MATCAP1: variants seen among roughly 807,000 people sequenced by gnomAD.
The protein encoded by MATCAP1 is microtubule associated tyrosine carboxypeptidase 1, also known as microtubule-associated tyrosine carboxypeptidase 1.
At chr16:67,180,602 C>T in the MATCAP1 span, 1 of 1,515,662 alleles carries the variant, frequency 6.6e-7, no homozygotes. Flanking sequence ...CCCCTGAGTC[C>T]AGCACCATTC....
chr16:67,179,473 T>A, the MATCAP1 span: 3 of 1,612,448 alleles, frequency 1.9e-6, no homozygotes, highest in Admixed American at 5.0e-5. This position sits in a 1 kb window ranked among gnomAD's most constrained non-coding sequence, Gnocchi z 5.2. Flanking sequence ...ACTGGCGGGC[T>A]CCGGTCAGGT....
the MATCAP1 span, chr16:67,177,894 C>T: frequency 4.6e-6 from 4 of 861,614 alleles, no homozygotes; most frequent in African/African-American, 5.1e-5. Flanking sequence ...CCACGCTCCC[C>T]CCTACCACCA....
At chr16:67,179,779 G>A in the MATCAP1 span, 1 of 1,611,420 alleles carries the variant, frequency 6.2e-7, no homozygotes, top group South Asian at 1.1e-5. This position sits in a 1 kb window ranked among gnomAD's most constrained non-coding sequence, Gnocchi z 5.2. Flanking sequence ...CCCTGATTTG[G>A]GGCATGTAGA....
the MATCAP1 span, chr16:67,176,729 C>T: frequency 2.8e-5 from 37 of 1,325,872 alleles, no homozygotes; most frequent in Middle Eastern, 2.8e-4. The surrounding 1 kb of genome is among the most constrained non-coding windows in gnomAD (Gnocchi z 4.3). Context: ...AGGCCGTGGA[C>T]GCACAGAGCA....
At chr16:67,182,534 C>T in the MATCAP1 span, among the ~76,000 whole-genome samples, 4 of 152,232 alleles carry the variant, frequency 2.6e-5, no homozygotes, top group Admixed American at 6.5e-5. Context: ...GAGATACTGT[C>T]TATTTGCCCA....
the MATCAP1 span, chr16:67,178,988 G>T: frequency 1.9e-6 from 1 of 525,542 alleles, no homozygotes; most frequent in Non-Finnish European, 2.9e-6. Flanking sequence ...GCACCCCCCT[G>T]CCCAAACTGG....
chr16:67,178,560 C>A, the MATCAP1 span: 3 of 1,424,350 alleles, frequency 2.1e-6, no homozygotes, highest in Non-Finnish European at 2.9e-6. Context: ...GACCCGCCTG[C>A]GAGCCCAGCC....
chr16:67,180,301 G>T, the MATCAP1 span: 2 of 1,612,440 alleles, frequency 1.2e-6, no homozygotes, highest in South Asian at 1.1e-5. Context: ...TTCCGTCCCC[G>T]TCCAGGTGGA....
At chr16:67,180,275 G>A in the MATCAP1 span, 1 of 1,612,632 alleles carries the variant, frequency 6.2e-7, no homozygotes, top group Non-Finnish European at 8.5e-7. Context: ...CAGGCCGCAG[G>A]GTGCCCCCAC....
the MATCAP1 span, chr16:67,179,705 C>T: frequency 2.6e-6 from 4 of 1,531,460 alleles, no homozygotes; most frequent in Non-Finnish European, 3.6e-6. This position sits in a 1 kb window ranked among gnomAD's most constrained non-coding sequence, Gnocchi z 5.2. Flanking sequence ...CAGCTCCCAC[C>T]TCACTGGGGC....
chr16:67,179,005 C>T, the MATCAP1 span: 1 of 743,822 alleles, frequency 1.3e-6, no homozygotes, highest in Non-Finnish European at 1.8e-6. This position sits in a 1 kb window ranked among gnomAD's most constrained non-coding sequence, Gnocchi z 5.2. Flanking sequence ...CTGGCCAGTC[C>T]CCTCCTAAAC....
At chr16:67,179,239 G>A in the MATCAP1 span, 95 of 1,421,148 alleles carry the variant, frequency 6.7e-5, no homozygotes, top group Middle Eastern at 2.6e-4. The surrounding 1 kb of genome is among the most constrained non-coding windows in gnomAD (Gnocchi z 5.2). Flanking sequence ...CCCAGAGCAT[G>A]GGCAGGCATG....
At chr16:67,178,422 C>T in the MATCAP1 span, 1 of 1,540,356 alleles carries the variant, frequency 6.5e-7, no homozygotes, top group African/African-American at 1.4e-5. Flanking sequence ...TGGGGTTCGC[C>T]GGCCGCAGCC....
chr16:67,178,785 G>A, the MATCAP1 span: 142 of 646,948 alleles, frequency 2.2e-4, 1 homozygote, highest in Admixed American at 2.0e-4. Flanking sequence ...ACACGTGCAC[G>A]AACTCTCCCA....
the MATCAP1 span, chr16:67,179,709 C>T: frequency 1.3e-6 from 2 of 1,536,200 alleles, no homozygotes; most frequent in African/African-American, 2.7e-5. The surrounding 1 kb of genome is among the most constrained non-coding windows in gnomAD (Gnocchi z 5.2). Flanking sequence ...TCCCACCTCA[C>T]TGGGGCAGGG....
chr16:67,178,953 A>T, the MATCAP1 span: 1 of 413,182 alleles, frequency 2.4e-6, no homozygotes, highest in South Asian at 2.0e-5. Context: ...AGGGACAGAC[A>T]GATAGGAATA....
the MATCAP1 span, chr16:67,178,420 G>A: frequency 3.2e-6 from 5 of 1,539,838 alleles, no homozygotes; most frequent in South Asian, 1.2e-5. Context: ...CGTGGGGTTC[G>A]CCGGCCGCAG....
the MATCAP1 span, chr16:67,180,248 G>A: frequency 1.2e-6 from 2 of 1,613,572 alleles, no homozygotes; most frequent in Non-Finnish European, 1.7e-6. Context: ...TCTTAGCAAT[G>A]TGAGGCAGGG....
the MATCAP1 span, chr16:67,178,182 C>T: frequency 2.6e-6 from 4 of 1,536,766 alleles, no homozygotes; most frequent in Non-Finnish European, 8.8e-7. Flanking sequence ...AGGCACCTCC[C>T]CCGCGCTGGC....
Sources: gnomAD v4.1 joint callset for allele counts (sites outside exome capture counted in the v4.1 genomes callset) on GRCh38, gnomAD v4.1.1 for gene constraint, Gnocchi (gnomAD v3.1) non-coding constraint, MANE v1.5 for transcripts, NCBI Gene and HGNC (gene_info 2026-07-23, HGNC 2026-07-21) for gene names.